PDE11A: variants seen among roughly 807,000 people sequenced by gnomAD.
The protein encoded by PDE11A is phosphodiesterase 11A.
In PDE11A, 100 loss-of-function variants were observed where a neutral mutation model predicts 100.5. The observed-to-expected ratio is 1.00, with a 90% CI of 0.85 to 1.18. The LOEUF is 1.18. PDE11A is among the 50% of genes most tolerant of loss of function. PDE11A has a pLI of 0.00. For missense variants in PDE11A, 1,141 were observed against 1,152.6 expected (o/e 0.99, Z 0.15); for synonymous variants, 381 against 420.8 (o/e 0.91, Z 1.16).
At chr2:177,658,401 GT>G (rs893805543) in intron 19 of PDE11A, among the ~76,000 whole-genome samples, 1 of 152,010 alleles carries the variant, frequency 6.6e-6, no homozygotes, top group Non-Finnish European at 1.5e-5. Context: ...AAAATAAGAA[GT>G]TGTTTTCCTT....
intron 18 of PDE11A, among the ~76,000 whole-genome samples, chr2:177,668,474 G>A (rs941103117): frequency 1.3e-5 from 2 of 152,124 alleles, no homozygotes; most frequent in Admixed American, 1.3e-4. Flanking sequence ...AGTCAATGTT[G>A]CTTTGAAAAC....
chr2:177,753,543 T>C (rs565711132), intron 10 of PDE11A, among the ~76,000 whole-genome samples: 17 of 151,512 alleles, frequency 1.1e-4, no homozygotes, highest in Admixed American at 2.6e-4. Context: ...GGAAGAAAAA[T>C]CAGCCTGAAG....
intron 2 of PDE11A, among the ~76,000 whole-genome samples, chr2:177,906,323 C>T (rs1231571531): frequency 6.6e-6 from 1 of 152,178 alleles, no homozygotes; most frequent in African/African-American, 2.4e-5. Context: ...CCTCCACCAA[C>T]TCAGGAAGCA....
chr2:177,909,709 C>T (rs2084848361), intron 2 of PDE11A, among the ~76,000 whole-genome samples: 1 of 152,132 alleles, frequency 6.6e-6, no homozygotes, highest in African/African-American at 2.4e-5. Flanking sequence ...CACCTCCTTC[C>T]TTCTTTCTGT....
chr2:177,972,012 T>C (rs2085777164), intron 2 of PDE11A, among the ~76,000 whole-genome samples: 1 of 152,184 alleles, frequency 6.6e-6, no homozygotes, highest in African/African-American at 2.4e-5. Context: ...ACATATCACT[T>C]TCTTATTTGT....
chr2:177,872,206 A>G (rs549756486), intron 5 of PDE11A, among the ~76,000 whole-genome samples: 45 of 152,340 alleles, frequency 3.0e-4, no homozygotes, highest in African/African-American at 1.1e-3. Flanking sequence ...AGGAAGGAAT[A>G]ACTGCCTCCA....
intron 2 of PDE11A, among the ~76,000 whole-genome samples, chr2:177,941,566 A>G (rs1207001951): frequency 6.6e-6 from 1 of 152,172 alleles, no homozygotes. Flanking sequence ...CAATCTCTCT[A>G]CAAAGAGATC....
At chr2:178,099,915 T>C (rs2087541431) in intron 2 of PDE11A, among the ~76,000 whole-genome samples, 1 of 152,180 alleles carries the variant, frequency 6.6e-6, no homozygotes, top group Non-Finnish European at 1.5e-5. Context: ...TATAATAGAA[T>C]ATTATTCAGT....
intron 6 of PDE11A, among the ~76,000 whole-genome samples, 165 bp downstream of exon 6, chr2:177,840,086 A>C (rs2083464907): frequency 6.6e-6 from 1 of 152,248 alleles, no homozygotes; most frequent in African/African-American, 2.4e-5. Flanking sequence ...TGGTAGAGTC[A>C]GACAAGTTTT....
intron 9 of PDE11A, among the ~76,000 whole-genome samples, chr2:177,802,534 GTT>G (rs1291155284): frequency 6.6e-6 from 1 of 151,976 alleles, no homozygotes; most frequent in African/African-American, 2.4e-5. Flanking sequence ...AAACATCAAA[GTT>G]ATATACCCAA....
intron 4 of PDE11A, among the ~76,000 whole-genome samples, chr2:177,892,718 G>T (rs979674416): frequency 5.3e-5 from 8 of 152,236 alleles, no homozygotes; most frequent in African/African-American, 1.9e-4. Flanking sequence ...TCTGTTCTGA[G>T]ATAAGAAGGC....
chr2:178,023,253 C>G (rs1162750504), intron 1 of PDE11A, among the ~76,000 whole-genome samples: 1 of 152,294 alleles, frequency 6.6e-6, no homozygotes, highest in South Asian at 2.1e-4. Flanking sequence ...AACCTCTGAA[C>G]TCAGCTTTCA....
At chr2:178,029,810 G>A (rs1386669150) in intron 1 of PDE11A, among the ~76,000 whole-genome samples, 1 of 152,154 alleles carries the variant, frequency 6.6e-6, no homozygotes, top group African/African-American at 2.4e-5. Flanking sequence ...GGACCTTTAA[G>A]AAGTGTTTAG....
chr2:177,831,856 G>T (rs2083313908), intron 6 of PDE11A, among the ~76,000 whole-genome samples: 1 of 152,156 alleles, frequency 6.6e-6, no homozygotes. Flanking sequence ...AGTCATCAGG[G>T]CTATGTTTGA....
intron 2 of PDE11A, among the ~76,000 whole-genome samples, chr2:177,945,054 G>A (rs373707126): frequency 0.32 from 46,225 of 145,084 alleles, 8,656 homozygotes; most frequent in Admixed American, 0.48. Flanking sequence ...GCCCCTAACC[G>A]CGAGTGATCC....
chr2:177,850,053 C>G lies in PDE11A; in HGVS notation c.1368-9670G>C, dbSNP rs550914854. On this transcript the variant is annotated intron_variant, in intron 5 of 19. Transcript: ENST00000286063. ...AAACTACTTTAAAGTTCATATGGAA[C>G]CAAAAAAGAGCCCACATTGCCAAGT... Among the ~76,000 whole-genome samples, 1,094 of 152,220 alleles carry G rather than the reference C, an allele frequency of 7.2e-3. 12 individuals carry two copies. The highest frequency in any genetic ancestry group is 0.025 in the African/African-American group (1,018 of 41,528).
chr2:177,938,306 A>G (rs2085303513), intron 2 of PDE11A, among the ~76,000 whole-genome samples: 1 of 152,174 alleles, frequency 6.6e-6, no homozygotes, highest in Admixed American at 6.5e-5. Flanking sequence ...CACAGTAAGG[A>G]GGTAGGGTTA....
chr2:178,006,678 CA>C (rs1270083711), intron 2 of PDE11A, among the ~76,000 whole-genome samples: 4 of 151,728 alleles, frequency 2.6e-5, no homozygotes, highest in Admixed American at 6.6e-5. Context: ...AATTATTGAA[CA>C]AAGTCATAAA....
At chr2:177,766,776 A>T (rs1019774003) in intron 10 of PDE11A, among the ~76,000 whole-genome samples, 2 of 152,194 alleles carry the variant, frequency 1.3e-5, no homozygotes, top group Admixed American at 1.3e-4. Flanking sequence ...GAAAAATCCC[A>T]TTTTAAAATG....
Sources: gnomAD v4.1 joint callset for allele counts (sites outside exome capture counted in the v4.1 genomes callset) on GRCh38, gnomAD v4.1.1 for gene constraint, MANE v1.5 for transcripts, NCBI Gene and HGNC (gene_info 2026-07-23, HGNC 2026-07-21) for gene names.